ASIC2: variants seen among roughly 807,000 people sequenced by gnomAD.
ASIC2 encodes the protein acid sensing ion channel subunit 2.
In ASIC2, 25 loss-of-function variants were observed where a neutral mutation model predicts 57.3. The observed-to-expected ratio is 0.44, with a 90% CI of 0.32 to 0.61. The LOEUF is 0.61. Ranked by LOEUF, ASIC2 falls within the 20% of genes least tolerant of loss-of-function variation. ASIC2 has a pLI of 0.06. For synonymous variants in ASIC2, 319 were observed against 307.5 expected (o/e 1.04, Z -0.39); for missense variants, 641 against 738.1 (o/e 0.87, Z 1.52).
At chr17:33,830,769 G>C (rs1417906509) in intron 1 of ASIC2, among the ~76,000 whole-genome samples, 1 of 151,846 alleles carries the variant, frequency 6.6e-6, no homozygotes, top group African/African-American at 2.4e-5. Context: ...CTGTGTCTAT[G>C]TGTTCTCACT....
intron 1 of ASIC2, among the ~76,000 whole-genome samples, chr17:34,138,479 A>C (rs2142134322): frequency 6.6e-6 from 1 of 152,356 alleles, no homozygotes; most frequent in Middle Eastern, 3.4e-3. Flanking sequence ...GTGCCAATTA[A>C]GAAAAAGTGC....
intron 1 of ASIC2, among the ~76,000 whole-genome samples, chr17:33,849,924 T>C (rs1913718546): frequency 6.6e-6 from 1 of 152,200 alleles, no homozygotes; most frequent in Non-Finnish European, 1.5e-5. Context: ...AGCAGAGAAA[T>C]CAGTGGATGC....
chr17:33,886,125 A>G (rs891346329), intron 1 of ASIC2, among the ~76,000 whole-genome samples: 2 of 152,216 alleles, frequency 1.3e-5, no homozygotes, highest in Non-Finnish European at 2.9e-5. Context: ...AAGAAGACCT[A>G]TTTCTCACTT....
At chr17:33,625,913 C>G (rs1050763266) in intron 1 of ASIC2, among the ~76,000 whole-genome samples, 2 of 152,140 alleles carry the variant, frequency 1.3e-5, no homozygotes, top group African/African-American at 4.8e-5. Flanking sequence ...TGTCAAGGTC[C>G]TTGTAAGCCA....
intron 1 of ASIC2, among the ~76,000 whole-genome samples, chr17:33,286,222 G>A (rs1252736684): frequency 6.6e-6 from 1 of 152,208 alleles, no homozygotes; most frequent in East Asian, 1.9e-4. Context: ...GAAACTAAAT[G>A]CTGTTTTCTT....
At chr17:33,803,168 G>C (rs1912177556) in intron 1 of ASIC2, among the ~76,000 whole-genome samples, 2 of 152,118 alleles carry the variant, frequency 1.3e-5, no homozygotes, top group Admixed American at 1.3e-4. Context: ...ATTGCATGAG[G>C]GAATTTCCAA....
At chr17:34,148,290 G>A (rs886375213) in intron 1 of ASIC2, among the ~76,000 whole-genome samples, 3 of 152,178 alleles carry the variant, frequency 2.0e-5, no homozygotes, top group African/African-American at 7.2e-5. Context: ...TCAGCTCTCA[G>A]TCATTGTCTT....
intron 1 of ASIC2, among the ~76,000 whole-genome samples, chr17:33,900,717 C>T (rs1915214448): frequency 6.6e-6 from 1 of 152,146 alleles, no homozygotes; most frequent in African/African-American, 2.4e-5. Flanking sequence ...GAGGTGTAAA[C>T]AGACCATAAG....
chr17:34,126,165 T>C (rs1196166969), intron 1 of ASIC2, among the ~76,000 whole-genome samples: 1 of 152,230 alleles, frequency 6.6e-6, no homozygotes, highest in Non-Finnish European at 1.5e-5. Flanking sequence ...AGAGCCATTA[T>C]ACAGGAAGAG....
In ASIC2 at chr17:33,657,793, T is replaced by C. The variant is rs1907124370; in HGVS notation, c.555+498185A>G. 4.1e-5 allele frequency among the ~76,000 whole-genome samples: 6 copies of C among 147,574 alleles called. No individual in the cohort carries two copies. The South Asian group carries it at 1.3e-3, about 32-fold the overall frequency. Reference sequence around the variant, plus strand: ...AAAAAAAAAAAAGTCTGCTGCATAATTGTCATCTCCAGGATGTTTAGAAAA... The same window carrying C: ...AAAAAAAAAAAAGTCTGCTGCATAACTGTCATCTCCAGGATGTTTAGAAAA... On this transcript the variant is annotated intron_variant, in intron 1 of 9. Coordinates refer to the ASIC2 transcript ENST00000359872.
intron 1 of ASIC2, among the ~76,000 whole-genome samples, chr17:33,840,799 CCACACACA>C (rs10525634): frequency 6.8e-6 from 1 of 147,482 alleles, no homozygotes; most frequent in African/African-American, 2.5e-5. Flanking sequence ...CCTGGACACA[CCACACACA>C]CACACACACA....
intron 1 of ASIC2, among the ~76,000 whole-genome samples, chr17:33,141,535 C>T (rs925912902): frequency 1.3e-5 from 2 of 152,174 alleles, no homozygotes; most frequent in African/African-American, 2.4e-5. Context: ...TTAAGCTACA[C>T]CCGGTGACAG....
At chr17:33,506,855 G>A (rs1914280063) in intron 1 of ASIC2, among the ~76,000 whole-genome samples, 1 of 152,200 alleles carries the variant, frequency 6.6e-6, no homozygotes, top group Non-Finnish European at 1.5e-5. Flanking sequence ...TAAATAGCAT[G>A]CACTTGGTTA....
At chr17:34,089,164 T>C (rs2142085939) in intron 1 of ASIC2, among the ~76,000 whole-genome samples, 1 of 152,344 alleles carries the variant, frequency 6.6e-6, no homozygotes, top group African/African-American at 2.4e-5. Flanking sequence ...GAGCTGTTCC[T>C]ATTCCGCCAT....
intron 1 of ASIC2, among the ~76,000 whole-genome samples, chr17:33,429,729 T>C (rs1911344165): frequency 1.3e-5 from 2 of 152,090 alleles, no homozygotes; most frequent in African/African-American, 4.8e-5. Flanking sequence ...TCTGAGGCAT[T>C]TTGTTGCCTG....
chr17:33,578,809 T>A (rs1422642258), intron 1 of ASIC2, among the ~76,000 whole-genome samples: 2 of 152,176 alleles, frequency 1.3e-5, no homozygotes, highest in African/African-American at 2.4e-5. Context: ...TAGTCACAGT[T>A]CATATAGTTC....
intron 1 of ASIC2, among the ~76,000 whole-genome samples, chr17:33,646,078 T>C (rs1055839534): frequency 2.6e-5 from 4 of 152,144 alleles, no homozygotes; most frequent in Non-Finnish European, 4.4e-5. Context: ...CACTCTGTCA[T>C]TAGCACCTGA....
At chr17:33,618,766 A>G (rs1032311636) in intron 1 of ASIC2, among the ~76,000 whole-genome samples, 3 of 152,038 alleles carry the variant, frequency 2.0e-5, no homozygotes, top group Non-Finnish European at 4.4e-5. Flanking sequence ...GTCTTTTCCT[A>G]CTTTATGAGC....
At chr17:33,290,988 CG>C (rs1320673992) in intron 1 of ASIC2, 17 of 165,634 alleles carry the variant, frequency 1.0e-4, no homozygotes, top group African/African-American at 4.3e-4. Flanking sequence ...TTTTAAGAGC[CG>C]TCTATTGGTT....
Sources: gnomAD v4.1 joint callset for allele counts (sites outside exome capture counted in the v4.1 genomes callset) on GRCh38, gnomAD v4.1.1 for gene constraint, MANE v1.5 for transcripts, NCBI Gene and HGNC (gene_info 2026-07-23, HGNC 2026-07-21) for gene names.